STARD13: variants seen among roughly 807,000 people sequenced by gnomAD.
The protein encoded by STARD13 is stAR-related lipid transfer protein 13.
A neutral mutation model predicts 106.4 loss-of-function variants in STARD13; 62 were observed. That is an observed-to-expected ratio of 0.58 (90% CI 0.48 to 0.72). STARD13 has a LOEUF of 0.72. STARD13 is among the 30% of genes least tolerant of loss of function. The pLI, the probability that STARD13 is intolerant of heterozygous loss-of-function variation, is 0.00. For synonymous variants in STARD13, 565 were observed against 553.0 expected, an observed-to-expected ratio of 1.02 and a Z score of -0.31; for missense variants, 1,387 against 1,424.0, an observed-to-expected ratio of 0.97 and a Z score of 0.42.
intron 1 of STARD13, among the ~76,000 whole-genome samples, chr13:33,236,492 C>G (rs1294810291): frequency 2.0e-5 from 3 of 152,168 alleles, no homozygotes; most frequent in Non-Finnish European, 2.9e-5. Flanking sequence ...TCCTCTTAAG[C>G]CTTTGTACAT....
At chr13:33,359,625 A>G in the STARD13 span, 1 of 153,078 alleles carries the variant, frequency 6.5e-6, no homozygotes, top group Middle Eastern at 3.3e-3. Flanking sequence ...AGATCATGCC[A>G]TTGCACTCCA....
chr13:33,401,858 T>G, the STARD13 span, among the ~76,000 whole-genome samples: 1 of 152,236 alleles, frequency 6.6e-6, no homozygotes, highest in Non-Finnish European at 1.5e-5. Flanking sequence ...TTAAACTTCA[T>G]CTTTGTGGGT....
chr13:33,152,981 C>T lies in STARD13; in HGVS notation c.324-10608G>A, dbSNP rs117628081. Reference sequence around the variant, plus strand: ...GCCTAAAAACACTTTTTGGATTGAGCAGTTCATGAGGGCAGTATTAGGAAA... The same window carrying T: ...GCCTAAAAACACTTTTTGGATTGAGTAGTTCATGAGGGCAGTATTAGGAAA... On this transcript the variant is annotated intron_variant, in intron 3 of 13. Coordinates refer to ENST00000336934, the MANE Select transcript of STARD13 (RefSeq NM_178006.4). Among the ~76,000 whole-genome samples the T allele has an allele frequency of 3.9e-4, 60 of 152,214 alleles. No individual in the cohort carries two copies. In the East Asian group the frequency reaches 0.01, roughly 26 times the overall value.
At chr13:33,319,318 T>C (rs373198844) in intron 1 of STARD13, among the ~76,000 whole-genome samples, 108 of 152,288 alleles carry the variant, frequency 7.1e-4, no homozygotes, top group African/African-American at 2.4e-3. Context: ...TATGATTCTA[T>C]GTATATGAAA....
At chr13:33,433,810 G>A in the STARD13 span, among the ~76,000 whole-genome samples, 7 of 133,652 alleles carry the variant, frequency 5.2e-5, no homozygotes, top group South Asian at 1.7e-3. Flanking sequence ...GAAAATGGCT[G>A]TGTATTTGCC....
the STARD13 span, among the ~76,000 whole-genome samples, chr13:33,616,783 A>C: frequency 1.3e-5 from 2 of 152,256 alleles, no homozygotes; most frequent in Non-Finnish European, 2.9e-5. Context: ...ATAAATCACA[A>C]AATACATAAC....
chr13:33,634,742 C>T, the STARD13 span, among the ~76,000 whole-genome samples: 1 of 152,138 alleles, frequency 6.6e-6, no homozygotes, highest in African/African-American at 2.4e-5. Flanking sequence ...CAGTTTTCTT[C>T]TCCTACTTCT....
intron 1 of STARD13, among the ~76,000 whole-genome samples, chr13:33,262,721 C>G (rs556956393): frequency 1.4e-5 from 2 of 145,360 alleles, no homozygotes; most frequent in African/African-American, 5.0e-5. Flanking sequence ...TTGTTATTTA[C>G]AAGTCTCGAT....
chr13:33,216,201 A>G lies in STARD13; in HGVS notation c.170-48579T>C, dbSNP rs139840702. Among the ~76,000 whole-genome samples the G allele has an allele frequency of 1.0e-3, 155 of 152,336 alleles. 3 individuals carry two copies. The highest frequency in any genetic ancestry group is 9.3e-3 in the Admixed American group (142 of 15,302). The stretch of plus-strand genomic sequence containing the variant: ...AGTAGAACTGCCATTTGACCCAGCA[A>G]TCTCACTACTGGGTATCTACTGAGA... On this transcript the variant is annotated intron_variant, in intron 1 of 13. Transcript: ENST00000336934.
chr13:33,198,478 C>T (rs1886795800), intron 1 of STARD13, among the ~76,000 whole-genome samples: 1 of 152,076 alleles, frequency 6.6e-6, no homozygotes, highest in Admixed American at 6.5e-5. Context: ...CCCTCAAGTT[C>T]TTTCTCCAAG....
intron 7 of STARD13, among the ~76,000 whole-genome samples, chr13:33,119,274 G>A (rs1216864242): frequency 6.6e-6 from 1 of 152,132 alleles, no homozygotes; most frequent in African/African-American, 2.4e-5. Flanking sequence ...GAGTTGATTT[G>A]CTTCAACCCT....
the STARD13 span, among the ~76,000 whole-genome samples, chr13:33,394,864 A>T: frequency 6.6e-6 from 1 of 152,250 alleles, no homozygotes; most frequent in African/African-American, 2.4e-5. Flanking sequence ...GAGAGCAGGC[A>T]TGGAATTGTG....
chr13:33,469,570 A>T, the STARD13 span, among the ~76,000 whole-genome samples: 1 of 152,188 alleles, frequency 6.6e-6, no homozygotes, highest in Non-Finnish European at 1.5e-5. Context: ...ACTCCCATAG[A>T]CATTGGGTAC....
chr13:33,300,910 G>A lies in STARD13; in HGVS notation c.124+49380C>T, dbSNP rs117592795. On this transcript the variant is annotated intron_variant, in intron 1 of 5. Coordinates refer to the STARD13 transcript ENST00000567873. ...TCCCTTCCAGAGGCTTTGAACATGC[G>A]CTTCCCTCGTACTGAGCTAAAATGC... Among the ~76,000 whole-genome samples, 124 of 152,178 alleles carry A rather than the reference G, an allele frequency of 8.1e-4. 2 individuals are homozygous for A. In the East Asian group the frequency reaches 0.021, roughly 26 times the overall value.
the STARD13 span, among the ~76,000 whole-genome samples, chr13:33,574,913 CTTTTTTT>C: frequency 9.0e-4 from 106 of 117,582 alleles, no homozygotes; most frequent in African/African-American, 3.1e-3. Context: ...TATGCATCTA[CTTTTTTT>C]TTTTTTTTTT....
At chr13:33,287,429 A>C (rs12876171), upstream of STARD13, among the ~76,000 whole-genome samples, 1 of 152,200 alleles carries the variant, frequency 6.6e-6, no homozygotes, top group Non-Finnish European at 1.5e-5. Context: ...AAGAGTCATC[A>C]TGTCTTTGTT....
At chr13:33,557,905 T>C in the STARD13 span, among the ~76,000 whole-genome samples, 1 of 152,180 alleles carries the variant, frequency 6.6e-6, no homozygotes, top group African/African-American at 2.4e-5. Context: ...GTCCCTAACT[T>C]GAAATTATAG....
the STARD13 span, among the ~76,000 whole-genome samples, chr13:33,447,040 A>G: frequency 2.0e-5 from 3 of 152,238 alleles, no homozygotes; most frequent in Non-Finnish European, 4.4e-5. Flanking sequence ...AAATTAATAC[A>G]TGAACAAAGA....
At chr13:33,667,524 G>T in the STARD13 span, among the ~76,000 whole-genome samples, 4 of 152,198 alleles carry the variant, frequency 2.6e-5, no homozygotes, top group Non-Finnish European at 4.4e-5. Flanking sequence ...AGGTGCATTT[G>T]TGTGTATGTG....
Sources: allele counts gnomAD v4.1 joint callset (sites outside exome capture counted in the v4.1 genomes callset), GRCh38; gene constraint gnomAD v4.1.1; transcripts MANE v1.5; gene names NCBI Gene and HGNC (gene_info 2026-07-23, HGNC 2026-07-21).